Variants in AFAP1L2 observed in about 807,000 individuals in gnomAD.
AFAP1L2 encodes actin filament associated protein 1 like 2, also known as actin filament-associated protein 1-like 2.
AFAP1L2 carries 46 observed loss-of-function variants against 99.3 expected under a neutral mutation model. The observed-to-expected ratio is 0.46, with a 90% confidence interval of 0.37 to 0.59. AFAP1L2 has a LOEUF of 0.59. Ranked by LOEUF, AFAP1L2 falls within the 20% of genes least tolerant of loss-of-function variation. The pLI is 0.00. For synonymous variants in AFAP1L2, 397 were observed against 419.1 expected, an observed-to-expected ratio of 0.95 and a Z score of 0.64; for missense variants, 959 against 1,034.9, an observed-to-expected ratio of 0.93 and a Z score of 1.01.
chr10:114,361,810 A>G (rs1444791935), intron 1 of AFAP1L2, among the ~76,000 whole-genome samples: 1 of 152,102 alleles, frequency 6.6e-6, no homozygotes, highest in Non-Finnish European at 1.5e-5. Flanking sequence ...GCCCTCTTGG[A>G]GTGTACATCC....
chr10:114,361,984 T>C (rs895602387), intron 1 of AFAP1L2, among the ~76,000 whole-genome samples: 1 of 152,214 alleles, frequency 6.6e-6, no homozygotes, highest in Non-Finnish European at 1.5e-5. Context: ...CGACAGCTAT[T>C]CAATTTTTTC....
intron 1 of AFAP1L2, among the ~76,000 whole-genome samples, chr10:114,350,541 C>T (rs896816020): frequency 6.6e-6 from 1 of 152,150 alleles, no homozygotes; most frequent in Non-Finnish European, 1.5e-5. Context: ...CTAACGAAAC[C>T]TCCTCCTATT....
At chr10:114,331,667 C>T (rs966519103) in intron 4 of AFAP1L2, 136 bp downstream of exon 4, 5 of 546,974 alleles carry the variant, frequency 9.1e-6, no homozygotes, top group Non-Finnish European at 1.2e-5. Context: ...TGTCCCTACA[C>T]GTGCCTTGTC....
chr10:114,302,871 C>CTT (rs1416900343), intron 11 of AFAP1L2, among the ~76,000 whole-genome samples: 1 of 152,180 alleles, frequency 6.6e-6, no homozygotes, highest in African/African-American at 2.4e-5. Flanking sequence ...TAAGTTGACA[C>CTT]TTGTATTTTA....
At chr10:114,316,369 C>T (rs1257259059) in intron 5 of AFAP1L2, among the ~76,000 whole-genome samples, 11 of 152,232 alleles carry the variant, frequency 7.2e-5, no homozygotes, top group African/African-American at 2.4e-4. Flanking sequence ...CAGCAGGAAA[C>T]ACTTTCTGGG....
intron 1 of AFAP1L2, among the ~76,000 whole-genome samples, chr10:114,341,986 C>A (rs2048890016): frequency 6.6e-6 from 1 of 152,176 alleles, no homozygotes; most frequent in Non-Finnish European, 1.5e-5. Flanking sequence ...GGAAAAGAAG[C>A]AAAGTCCAAC....
At chr10:114,352,109 G>A (rs2050596877) in intron 1 of AFAP1L2, among the ~76,000 whole-genome samples, 1 of 152,070 alleles carries the variant, frequency 6.6e-6, no homozygotes, top group Admixed American at 6.6e-5. Flanking sequence ...TCTTATAAGA[G>A]TGGTAGAAAA....
At chr10:114,337,599 G>A (rs1318327361) in intron 2 of AFAP1L2, among the ~76,000 whole-genome samples, 1 of 152,170 alleles carries the variant, frequency 6.6e-6, no homozygotes, top group East Asian at 1.9e-4. Context: ...AGAGTCCACG[G>A]AGAGGGGAAG....
At chr10:114,398,933 C>T (rs994529624) in intron 1 of AFAP1L2, 38 of 1,304,102 alleles carry the variant, frequency 2.9e-5, no homozygotes, top group Middle Eastern at 2.1e-4. Flanking sequence ...AGGCTCAAGT[C>T]GGGAAAGCCA....
the AFAP1L2 span, among the ~76,000 whole-genome samples, chr10:114,287,373 G>T: frequency 6.6e-6 from 1 of 152,102 alleles, no homozygotes; most frequent in Non-Finnish European, 1.5e-5. Flanking sequence ...GAGAGATGTG[G>T]TCTTGCTATG....
intron 8 of AFAP1L2, among the ~76,000 whole-genome samples, chr10:114,309,462 A>G (rs2042888970): frequency 6.6e-6 from 1 of 152,204 alleles, no homozygotes; most frequent in Non-Finnish European, 1.5e-5. Context: ...GGGGACCCCA[A>G]GAGGAGCCAC....
chr10:114,281,249 C>T, the AFAP1L2 span: 8 of 152,230 alleles, frequency 5.3e-5, no homozygotes, highest in African/African-American at 1.9e-4. Context: ...TGAGGCCATC[C>T]CAGGAGCTGC....
chr10:114,366,372 T>C (rs1371349309), intron 1 of AFAP1L2, among the ~76,000 whole-genome samples: 1 of 152,130 alleles, frequency 6.6e-6, no homozygotes, highest in Non-Finnish European at 1.5e-5. Context: ...AGGGCAGAGA[T>C]GATCAATGGA....
At chr10:114,372,665 A>G (rs1341457948) in intron 1 of AFAP1L2, among the ~76,000 whole-genome samples, 3 of 151,802 alleles carry the variant, frequency 2.0e-5, no homozygotes, top group African/African-American at 7.3e-5. Context: ...ATGTATACAT[A>G]TTTATATGCA....
At chr10:114,398,529 C>T (rs1447196959) in intron 1 of AFAP1L2, among the ~76,000 whole-genome samples, 6 of 152,270 alleles carry the variant, frequency 3.9e-5, no homozygotes, top group Non-Finnish European at 5.9e-5. Flanking sequence ...ATTTAACATT[C>T]TCTTTCTCAA....
At chr10:114,310,636 C>A (rs2043085528) in intron 7 of AFAP1L2, among the ~76,000 whole-genome samples, 193 bp from the exon 8 acceptor site, 2 of 152,206 alleles carry the variant, frequency 1.3e-5, no homozygotes, top group African/African-American at 4.8e-5. Context: ...GCTGGGCAGG[C>A]TGCAGTGGGG....
chr10:114,360,237 G>A (rs931464772), intron 1 of AFAP1L2, among the ~76,000 whole-genome samples: 1 of 152,174 alleles, frequency 6.6e-6, no homozygotes, highest in African/African-American at 2.4e-5. Context: ...CATCAGTCTT[G>A]TTCTGCCTTT....
At chr10:114,283,920 A>T in the AFAP1L2 span, among the ~76,000 whole-genome samples, 3 of 152,228 alleles carry the variant, frequency 2.0e-5, no homozygotes, top group African/African-American at 4.8e-5. Context: ...CAAGAAAGAG[A>T]TTAATATTTG....
chr10:114,387,778 A>G (rs2056686043), intron 1 of AFAP1L2, among the ~76,000 whole-genome samples: 1 of 152,200 alleles, frequency 6.6e-6, no homozygotes, highest in Non-Finnish European at 1.5e-5. Flanking sequence ...CAGACCTCAG[A>G]CAGTCTGAAC....
Sources: gnomAD v4.1 joint callset for allele counts (sites outside exome capture counted in the v4.1 genomes callset) on GRCh38, gnomAD v4.1.1 for gene constraint, MANE v1.5 for transcripts, NCBI Gene and HGNC (gene_info 2026-07-23, HGNC 2026-07-21) for gene names.